PAFAH1B2: variants seen among roughly 807,000 people sequenced by gnomAD.
PAFAH1B2 encodes the protein platelet activating factor acetylhydrolase 1b catalytic subunit 2.
A neutral mutation model predicts 28.0 loss-of-function variants in PAFAH1B2; 8 were observed. The observed-to-expected ratio is 0.29, with a 90% confidence interval of 0.17 to 0.52. The LOEUF (loss-of-function observed/expected upper bound fraction) is 0.52, where lower values mean the gene tolerates loss of function less well. PAFAH1B2 is among the 20% of genes least tolerant of loss of function. The pLI is 0.97. For missense variants in PAFAH1B2, 190 were observed against 282.6 expected (o/e 0.67, Z 2.35); for synonymous variants, 104 against 103.2 (o/e 1.01, Z -0.05).
chr11:117,175,151 G>A (rs10128622), downstream of PAFAH1B2: 68 of 1,181,230 alleles, frequency 5.8e-5, no homozygotes, highest in African/African-American at 8.0e-4. Flanking sequence ...CACCCTGACC[G>A]CTTGAGGGCC....
Position 117,169,790 on chromosome 11 carries a change from ATTTTTGTGTG to A in PAFAH1B2, c.*2093_*2102del. The A allele has an allele frequency of 9.5e-7, 1 of 1,055,942 alleles. No individual in the cohort carries two copies. The highest frequency in any genetic ancestry group is 1.1e-6 in the Non-Finnish European group (1 of 873,558). The allele number at this position is 1,055,942 out of a possible 1,614,324, so 65.4% of individuals were successfully genotyped here. ...TGTATAGCAAGAAGAATTAAGCCAG[ATTTTTGTGTG>A]TGGAAAGACAGTTTTCTATCCACGT... On this transcript the variant is annotated 3_prime_UTR_variant, in exon 6 of 6. Transcript: ENST00000527958.
chr11:117,164,044 T>C, intron 5 of PAFAH1B2, 152 bp downstream of exon 5: 1 of 726,438 alleles, frequency 1.4e-6, no homozygotes, highest in South Asian at 1.9e-5. Flanking sequence ...TATTTTACTG[T>C]CTTACTGGTT....
chr11:117,156,666 C>T (rs1956261544), intron 2 of PAFAH1B2, among the ~76,000 whole-genome samples: 1 of 152,028 alleles, frequency 6.6e-6, no homozygotes, highest in African/African-American at 2.4e-5. Context: ...GTACTAGAAC[C>T]TTTAGCATAG....
intron 2 of PAFAH1B2, among the ~76,000 whole-genome samples, chr11:117,158,431 A>G (rs142856095): frequency 8.5e-5 from 13 of 152,170 alleles, no homozygotes; most frequent in African/African-American, 3.1e-4. Flanking sequence ...CTTGGATTTG[A>G]CTGAAAAGGA....
At chr11:117,171,064 T>C (rs1016972972), downstream of PAFAH1B2, 4 of 1,025,094 alleles carry the variant, frequency 3.9e-6, no homozygotes, top group Middle Eastern at 1.4e-3. Context: ...TGTCTTTCTG[T>C]CTCCTTTATC....
intron 2 of PAFAH1B2, 107 bp from the exon 3 acceptor site, chr11:117,159,827 G>A (rs1956332719): frequency 2.7e-6 from 2 of 738,166 alleles, no homozygotes; most frequent in Admixed American, 4.2e-5. Flanking sequence ...CTGACCTCAA[G>A]TTATTCTCCT....
downstream of PAFAH1B2, among the ~76,000 whole-genome samples, chr11:117,172,724 G>C (rs964596451): frequency 2.0e-5 from 3 of 151,930 alleles, no homozygotes; most frequent in Non-Finnish European, 4.4e-5. Context: ...TTATTTTTTG[G>C]AAACAGTCTC....
chr11:117,162,077 A>G (rs150357639), intron 4 of PAFAH1B2, among the ~76,000 whole-genome samples: 110 of 152,298 alleles, frequency 7.2e-4, no homozygotes, highest in African/African-American at 2.0e-3. Context: ...CACACTGTAT[A>G]TAATTGTTTC....
rs973959525 is a variant in PAFAH1B2, at chr11:117,169,523, T to G, written c.*1824T>G. ...CTTACTGATGCGTGCTAAGACCGAT[T>G]TCTGATTGAGGGATGAACCTTGGGC... is the stretch of plus-strand genomic sequence containing the variant. On this transcript the variant is annotated 3_prime_UTR_variant, in exon 6 of 6. Coordinates refer to ENST00000527958, the MANE Select transcript of PAFAH1B2 (RefSeq NM_002572.4). 9.5e-7 allele frequency: 1 copy of G among 1,055,180 alleles called. No individual in the cohort carries two copies. Among genetic ancestry groups the G allele is most frequent in the African/African-American group, 1.7e-5 (1 of 60,488 alleles). 65.4% of individuals were successfully genotyped at this position (1,055,180 alleles called of 1,614,324 possible). A position where few individuals can be genotyped will look rare whatever the true frequency, so the allele number is the denominator to read the frequency against.
At position 117,163,328 on chromosome 11, in the gene PAFAH1B2, A is replaced by G. The variant is rs1956418667; in HGVS notation, c.289-442A>G. 2.6e-5 allele frequency among the ~76,000 whole-genome samples: 4 copies of G among 152,174 alleles called. 1 individual carries two copies. In the South Asian group the frequency reaches 8.3e-4, roughly 31 times the overall value. Reference sequence around the variant, plus strand: ...TTTAATAGGATAGCTGCCCAGTTGAAGTTAGCCAACACCATTTGAAAAGTT... The same window carrying G: ...TTTAATAGGATAGCTGCCCAGTTGAGGTTAGCCAACACCATTTGAAAAGTT... On this transcript the variant is annotated intron_variant, in intron 4 of 5. Transcript: ENST00000527958.
intron 1 of PAFAH1B2, among the ~76,000 whole-genome samples, chr11:117,149,583 C>T (rs937562279): frequency 2.0e-5 from 3 of 150,780 alleles, no homozygotes; most frequent in African/African-American, 7.3e-5. Context: ...CCCGCCACCA[C>T]GCCCAGCTAA....
chr11:117,151,327 T>C (rs529497586), intron 1 of PAFAH1B2, among the ~76,000 whole-genome samples: 1 of 151,214 alleles, frequency 6.6e-6, no homozygotes, highest in South Asian at 2.1e-4. Context: ...CCTCCCGGGT[T>C]CAAGTGATTC....
downstream of PAFAH1B2, chr11:117,171,552 T>TA (rs1463606936): frequency 1.8e-6 from 1 of 544,236 alleles, no homozygotes. Context: ...AAAAAAAAAA[T>TA]ACAGTGTTAC....
At chr11:117,160,112 T>G (rs1956341631) in intron 3 of PAFAH1B2, 89 bp downstream of exon 3, 5 of 915,558 alleles carry the variant, frequency 5.5e-6, no homozygotes, top group South Asian at 5.3e-5. Flanking sequence ...TGAACTTACT[T>G]ATTTGTGACT....
intron 1 of PAFAH1B2, among the ~76,000 whole-genome samples, chr11:117,146,872 G>T (rs1319098431): frequency 1.3e-5 from 2 of 151,566 alleles, no homozygotes; most frequent in Non-Finnish European, 2.9e-5. Context: ...GCAGCTATTC[G>T]GGAGGATCGC....
Position 117,163,818 on chromosome 11 carries a change from G to T in PAFAH1B2, c.337G>T (p.Glu113Ter). 1 of 1,614,066 alleles carries T rather than the reference G, an allele frequency of 6.2e-7. No individual in the cohort carries two copies. Among genetic ancestry groups the T allele is most frequent in the Non-Finnish European group, 8.5e-7 (1 of 1,179,954 alleles). Residue 113 changes from glutamate to a stop codon, truncating the protein, a stop_gained, in exon 5 of 6, where the codon GAA (glutamate) becomes TAA (stop). Coordinates refer to ENST00000527958, the MANE Select transcript of PAFAH1B2 (RefSeq NM_002572.4). LOFTEE classifies it high-confidence loss of function. Reference sequence around the variant, plus strand: ...AAATAACCACGAAAATACAGCAGAAGAAGTAGCAGGTGGGATCGAGGCCAT... The same window carrying T: ...AAATAACCACGAAAATACAGCAGAATAAGTAGCAGGTGGGATCGAGGCCAT... ...GTNNHENTAE[E>*]VAGGIEAIVQ...
chr11:117,171,825 T>C, downstream of PAFAH1B2: 1 of 1,115,824 alleles, frequency 9.0e-7, no homozygotes, highest in South Asian at 1.4e-5. Flanking sequence ...TTATCACTGT[T>C]CACCTCAGTG....
At chr11:117,172,353 TATATA>T (rs1956667624), downstream of PAFAH1B2, among the ~76,000 whole-genome samples, 17 of 2,472 alleles carry the variant, frequency 6.9e-3, no homozygotes, top group African/African-American at 0.014. Flanking sequence ...TAGCTTTATA[TATATA>T]TATATATATA....
intron 5 of PAFAH1B2, 50 bp from the exon 6 acceptor site, chr11:117,167,371 A>G (rs774623158): frequency 8.7e-6 from 13 of 1,485,836 alleles, no homozygotes; most frequent in South Asian, 1.5e-5. Flanking sequence ...AATAATAAGT[A>G]GAGAAAAATA....
Sources: allele counts gnomAD v4.1 joint callset (sites outside exome capture counted in the v4.1 genomes callset), GRCh38; gene constraint gnomAD v4.1.1; transcripts MANE v1.5; gene names NCBI Gene and HGNC (gene_info 2026-07-23, HGNC 2026-07-21).